The following FGGY variants were observed in gnomAD, a reference collection of about 807,000 sequenced individuals.
FGGY encodes FGGY carbohydrate kinase domain containing, also known as FGGY carbohydrate kinase domain-containing protein.
FGGY carries 72 observed loss-of-function variants against 71.3 expected under a neutral mutation model. The ratio of observed to expected loss-of-function variants is 1.01; its 90% CI spans 0.84 to 1.23. FGGY has a LOEUF of 1.23. Among genes scored for constraint, FGGY ranks in the 50% most tolerant of loss-of-function variants. The pLI is 0.00. For synonymous variants in FGGY, 251 were observed against 250.3 expected, an observed-to-expected ratio of 1.00 and a Z score of -0.02; for missense variants, 668 against 682.3, an observed-to-expected ratio of 0.98 and a Z score of 0.23.
At chr1:59,467,181 A>G (rs1416819818) in intron 6 of FGGY, among the ~76,000 whole-genome samples, 2 of 152,182 alleles carry the variant, frequency 1.3e-5, no homozygotes, top group African/African-American at 4.8e-5. Flanking sequence ...ATAAAACAGG[A>G]TGAGTACATG....
intron 5 of FGGY, among the ~76,000 whole-genome samples, chr1:59,447,899 T>C (rs1304989496): frequency 6.6e-6 from 1 of 152,186 alleles, no homozygotes; most frequent in Non-Finnish European, 1.5e-5. Flanking sequence ...TCTTCCGTAG[T>C]GTGGGAGAAG....
intron 14 of FGGY, among the ~76,000 whole-genome samples, chr1:59,736,411 G>A (rs2098104385): frequency 6.6e-6 from 1 of 152,090 alleles, no homozygotes; most frequent in Non-Finnish European, 1.5e-5. Context: ...GAAAATGTGG[G>A]AAAATTTGGA....
rs181134983 is a variant in FGGY, at chr1:59,392,597, A to C, written c.554+13760A>C. Among the ~76,000 whole-genome samples the C allele has an allele frequency of 2.0e-4, 30 of 152,286 alleles. No homozygotes were observed. The East Asian group carries it at 5.4e-3, about 27-fold the overall frequency. Reference sequence around the variant, plus strand: ...CTCCTTTAAAACTCATTCCTTTGAAAGGAGATTGCTAAAGTCAAACCTTAG... The same window carrying C: ...CTCCTTTAAAACTCATTCCTTTGAACGGAGATTGCTAAAGTCAAACCTTAG... On this transcript the variant is annotated intron_variant, in intron 5 of 15. Transcript: ENST00000303721.
chr1:59,455,612 T>G (rs1298254720), intron 5 of FGGY, among the ~76,000 whole-genome samples: 2 of 152,322 alleles, frequency 1.3e-5, no homozygotes, highest in African/African-American at 4.8e-5. Context: ...ATATTTTATT[T>G]TATAAAGTTT....
At chr1:59,546,009 C>A (rs2095514203) in intron 7 of FGGY, among the ~76,000 whole-genome samples, 1 of 152,190 alleles carries the variant, frequency 6.6e-6, no homozygotes, top group South Asian at 2.1e-4. Context: ...ATGTTCCAAT[C>A]AATCTAAGTA....
intron 9 of FGGY, among the ~76,000 whole-genome samples, chr1:59,620,025 G>C (rs2096792826): frequency 6.6e-6 from 1 of 152,010 alleles, no homozygotes; most frequent in Non-Finnish European, 1.5e-5. Context: ...GAGAGGCCAA[G>C]GCTTGAGGAA....
At chr1:59,479,274 G>A (rs988551861) in intron 6 of FGGY, among the ~76,000 whole-genome samples, 1 of 152,188 alleles carries the variant, frequency 6.6e-6, no homozygotes, top group African/African-American at 2.4e-5. Context: ...AGAGTGTGGG[G>A]GGAGAGAGAG....
At position 59,320,736 on chromosome 1, in the gene FGGY, C is replaced by T. The variant is rs61788323; in HGVS notation, c.-14-800C>T. 7.1e-3 allele frequency among the ~76,000 whole-genome samples: 1,086 copies of T among 152,284 alleles called. 9 individuals carry two copies. The highest frequency in any genetic ancestry group is 0.024 in the Middle Eastern group (7 of 294). On this transcript the variant is annotated intron_variant, in intron 1 of 15. Transcript: ENST00000303721. Reference sequence around the variant, plus strand: ...TCATGACAAAGCTGCAATATATTTGCCTCTTCTCCAAACCTATACAGAAAG... The same window carrying T: ...TCATGACAAAGCTGCAATATATTTGTCTCTTCTCCAAACCTATACAGAAAG...
rs545487519 is a variant in FGGY, at chr1:59,338,781, CCTT to C, written c.202-1171_202-1169del. Among the ~76,000 whole-genome samples, 78 of 152,250 alleles carry C rather than the reference CCTT, an allele frequency of 5.1e-4. 3 individuals are homozygous for C. In the South Asian group the frequency reaches 0.014, roughly 27 times the overall value. ...ATAGTCTGAGCAGTGCTGAAGCTAA[CCTT>C]CTTCTATATATAACTTTACTTACTT... On this transcript the variant is annotated intron_variant, in intron 2 of 15. Coordinates refer to ENST00000303721, the MANE Select transcript of FGGY (RefSeq NM_018291.5).
intron 15 of FGGY, 60 bp from the exon 16 acceptor site, chr1:59,762,443 G>T: frequency 6.2e-6 from 8 of 1,297,910 alleles, no homozygotes; most frequent in Non-Finnish European, 8.8e-6. Flanking sequence ...TAAATGTACA[G>T]GGAAGCCCTG....
chr1:59,434,194 G>T (rs1418248463), intron 5 of FGGY, among the ~76,000 whole-genome samples: 2 of 152,204 alleles, frequency 1.3e-5, no homozygotes, highest in Admixed American at 6.5e-5. Context: ...GCACCAAATT[G>T]TAAGTTCAGT....
chr1:59,620,050 T>C (rs1465099596), intron 9 of FGGY, among the ~76,000 whole-genome samples: 1 of 151,932 alleles, frequency 6.6e-6, no homozygotes, highest in African/African-American at 2.4e-5. Context: ...GCATTGCTAT[T>C]AATGGGTGAA....
intron 8 of FGGY, among the ~76,000 whole-genome samples, chr1:59,585,741 G>A (rs373999656): frequency 6.6e-6 from 1 of 152,102 alleles, no homozygotes; most frequent in East Asian, 1.9e-4. Context: ...GCAACCTACA[G>A]AATGGGAGAA....
chr1:59,517,394 T>C (rs1371917191), intron 7 of FGGY, among the ~76,000 whole-genome samples: 3 of 149,732 alleles, frequency 2.0e-5, no homozygotes, highest in East Asian at 4.0e-4. Flanking sequence ...GCCTCCCAAG[T>C]AGCTGGGACT....
At chr1:59,666,742 G>T (rs928763118) in intron 12 of FGGY, among the ~76,000 whole-genome samples, 1 of 152,118 alleles carries the variant, frequency 6.6e-6, no homozygotes, top group Non-Finnish European at 1.5e-5. Flanking sequence ...GGTAATTTTA[G>T]CCCTTAGCCA....
At chr1:59,347,966 T>G (rs2052445852) in intron 4 of FGGY, among the ~76,000 whole-genome samples, 1 of 152,072 alleles carries the variant, frequency 6.6e-6, no homozygotes, top group African/African-American at 2.4e-5. Flanking sequence ...GGGATCTCAT[T>G]AAACTAAAGA....
intron 4 of FGGY, 148 bp downstream of exon 4, chr1:59,346,546 T>C: frequency 1.2e-6 from 1 of 860,952 alleles, no homozygotes. Context: ...TTTTATTGAT[T>C]ACAGTGTAGT....
At chr1:59,304,810 T>G (rs2043213342) in intron 1 of FGGY, among the ~76,000 whole-genome samples, 1 of 152,118 alleles carries the variant, frequency 6.6e-6, no homozygotes, top group Admixed American at 6.5e-5. Flanking sequence ...CCTAAGTACT[T>G]TTTCCTTTTT....
intron 8 of FGGY, among the ~76,000 whole-genome samples, chr1:59,580,841 A>T (rs2096180447): frequency 6.6e-6 from 1 of 152,142 alleles, no homozygotes; most frequent in Non-Finnish European, 1.5e-5. Flanking sequence ...AACATCTTTC[A>T]CTTAATAGTT....
Sources: gnomAD v4.1 joint callset for allele counts (sites outside exome capture counted in the v4.1 genomes callset) on GRCh38, gnomAD v4.1.1 for gene constraint, MANE v1.5 for transcripts, NCBI Gene and HGNC (gene_info 2026-07-23, HGNC 2026-07-21) for gene names.